FBXL17: variants seen among roughly 807,000 people sequenced by gnomAD.
The protein encoded by FBXL17 is F-box/LRR-repeat protein 17.
In FBXL17, 22 loss-of-function variants were observed where a neutral mutation model predicts 66.2. The observed-to-expected ratio is 0.33, with a 90% CI of 0.24 to 0.47. The LOEUF is 0.47. Among genes scored for constraint, FBXL17 ranks in the 20% least tolerant of loss-of-function variants. FBXL17 has a pLI of 1.00. For missense variants in FBXL17, 878 were observed against 948.2 expected (o/e 0.93, Z 0.97); for synonymous variants, 474 against 400.5 (o/e 1.18, Z -2.19).
chr5:108,106,816 TTAGA>T (rs1749816640), intron 6 of FBXL17, among the ~76,000 whole-genome samples: 2 of 152,140 alleles, frequency 1.3e-5, no homozygotes, highest in Non-Finnish European at 2.9e-5. Context: ...TTTACTGAAA[TTAGA>T]TAGTAGCAAT....
intron 6 of FBXL17, among the ~76,000 whole-genome samples, chr5:108,143,864 A>G (rs1751457856): frequency 1.3e-5 from 2 of 152,024 alleles, no homozygotes; most frequent in Admixed American, 6.6e-5. Flanking sequence ...AACACAACTC[A>G]CATTCTTTAA....
intron 4 of FBXL17, among the ~76,000 whole-genome samples, chr5:108,309,360 T>A (rs1410083354): frequency 6.6e-6 from 1 of 152,122 alleles, no homozygotes; most frequent in East Asian, 1.9e-4. Flanking sequence ...GAAAGAACTC[T>A]GTAAAAGTAC....
intron 5 of FBXL17, among the ~76,000 whole-genome samples, chr5:108,222,738 A>G (rs1213228556): frequency 6.8e-6 from 1 of 148,018 alleles, no homozygotes; most frequent in African/African-American, 2.5e-5. Context: ...CAGTGGCGCA[A>G]TCTCGGCTCA....
Position 107,878,198 on chromosome 5 carries a change from A to T in FBXL17, c.1965+2839T>A, listed in dbSNP as rs938222271. The T allele has an allele frequency of 6.4e-6, 6 of 944,676 alleles. No homozygotes were observed. The Admixed American group carries it at 3.1e-4, about 49-fold the overall frequency. The allele number at this position is 944,676 out of a possible 1,614,324, so 58.5% of individuals were successfully genotyped here. ...TCTTAATTTTAAATTTAGGTGAGGA[A>T]AAAGCACAAAGGCAAAGCATTCTCT... On this transcript the variant is annotated intron_variant, in intron 8 of 8. Coordinates refer to ENST00000542267, the MANE Select transcript of FBXL17 (RefSeq NM_001163315.3).
chr5:107,863,865 G>A (rs536935274), intron 8 of FBXL17, among the ~76,000 whole-genome samples: 1 of 152,280 alleles, frequency 6.6e-6, no homozygotes, highest in South Asian at 2.1e-4. Context: ...AGAAGGTTGA[G>A]TTAGGCACCC....
chr5:107,992,863 A>G (rs933651360), intron 7 of FBXL17, among the ~76,000 whole-genome samples: 22 of 151,906 alleles, frequency 1.4e-4, no homozygotes, highest in African/African-American at 4.6e-4. Context: ...TTAAGCCATT[A>G]CCCAGCATAA....
chr5:107,932,909 A>G (rs979469872), intron 7 of FBXL17, among the ~76,000 whole-genome samples: 1 of 152,146 alleles, frequency 6.6e-6, no homozygotes, highest in Non-Finnish European at 1.5e-5. Flanking sequence ...GTGGATATAA[A>G]CTAGGAAATT....
chr5:107,900,855 T>C (rs972633174), intron 7 of FBXL17, among the ~76,000 whole-genome samples: 1 of 151,996 alleles, frequency 6.6e-6, no homozygotes, highest in Non-Finnish European at 1.5e-5. Flanking sequence ...ACTAACAAAG[T>C]GCAATGTACT....
At chr5:107,879,667 T>G in intron 8 of FBXL17, 1 of 985,462 alleles carries the variant, frequency 1.0e-6, no homozygotes, top group African/African-American at 1.7e-5. Flanking sequence ...CCACATTTGC[T>G]ACATTTAGAA....
chr5:108,094,550 C>G (rs62359463), intron 6 of FBXL17, among the ~76,000 whole-genome samples: 1 of 152,264 alleles, frequency 6.6e-6, no homozygotes, highest in African/African-American at 2.4e-5. Context: ...AAACTTCACT[C>G]TGCTCATTCA....
At chr5:108,015,922 A>T (rs1754368521) in intron 7 of FBXL17, among the ~76,000 whole-genome samples, 1 of 151,954 alleles carries the variant, frequency 6.6e-6, no homozygotes, top group Non-Finnish European at 1.5e-5. Context: ...AACAAGATGC[A>T]TTTTTTTTAA....
intron 5 of FBXL17, among the ~76,000 whole-genome samples, chr5:108,196,930 A>C (rs1753704164): frequency 6.6e-6 from 1 of 152,200 alleles, no homozygotes; most frequent in Non-Finnish European, 1.5e-5. Context: ...AGTATGTGGC[A>C]GGAATTTTGA....
chr5:107,995,003 T>C (rs780414580), intron 7 of FBXL17, among the ~76,000 whole-genome samples: 6 of 152,160 alleles, frequency 3.9e-5, no homozygotes, highest in Non-Finnish European at 5.9e-5. Context: ...GAAAGGGTCA[T>C]GGGGGCATCG....
chr5:108,245,144 T>C (rs769579291), intron 4 of FBXL17, among the ~76,000 whole-genome samples: 11 of 152,086 alleles, frequency 7.2e-5, no homozygotes, highest in East Asian at 5.8e-4. Context: ...TAATATTCCA[T>C]AACAACAAAG....
At chr5:107,961,447 C>CT (rs992138092) in intron 7 of FBXL17, among the ~76,000 whole-genome samples, 10 of 152,010 alleles carry the variant, frequency 6.6e-5, no homozygotes, top group African/African-American at 1.4e-4. Flanking sequence ...AGGCTGGACT[C>CT]TAACTCCTAG....
intron 6 of FBXL17, among the ~76,000 whole-genome samples, chr5:108,146,349 A>G (rs2149991711): frequency 6.6e-6 from 1 of 152,010 alleles, no homozygotes; most frequent in African/African-American, 2.4e-5. Context: ...TCGAACGAGG[A>G]TTAATTTGAT....
chr5:108,270,886 A>G (rs1173159249), intron 4 of FBXL17, among the ~76,000 whole-genome samples: 2 of 152,172 alleles, frequency 1.3e-5, no homozygotes, highest in East Asian at 1.9e-4. Context: ...ACATACACAT[A>G]AAGACTAACA....
intron 7 of FBXL17, among the ~76,000 whole-genome samples, chr5:107,958,982 G>T (rs1226924775): frequency 2.0e-5 from 3 of 152,288 alleles, no homozygotes; most frequent in East Asian, 1.9e-4. Flanking sequence ...GTGGAAACTA[G>T]TGAAGAATTG....
intron 7 of FBXL17, among the ~76,000 whole-genome samples, chr5:107,948,820 T>C (rs1751398442): frequency 6.6e-6 from 1 of 152,232 alleles, no homozygotes; most frequent in South Asian, 2.1e-4. Flanking sequence ...ATCTTGCCTA[T>C]AAAGTGCTTA....
Sources: gnomAD v4.1 joint callset for allele counts (sites outside exome capture counted in the v4.1 genomes callset) on GRCh38, gnomAD v4.1.1 for gene constraint, MANE v1.5 for transcripts, NCBI Gene and HGNC (gene_info 2026-07-23, HGNC 2026-07-21) for gene names.